Variants in SLC39A8 observed in about 807,000 individuals in gnomAD.
SLC39A8 encodes solute carrier family 39 member 8.
SLC39A8 carries 15 observed loss-of-function variants against 40.4 expected under a neutral mutation model. The ratio of observed to expected loss-of-function variants is 0.37; its 90% CI spans 0.25 to 0.57. The LOEUF (loss-of-function observed/expected upper bound fraction) is 0.57, where lower values mean the gene tolerates loss of function less well. Ranked by LOEUF, SLC39A8 falls within the 20% of genes least tolerant of loss-of-function variation. The pLI is 0.75. For missense variants in SLC39A8, 472 were observed against 558.8 expected (o/e 0.84, Z 1.57); for synonymous variants, 223 against 221.6 (o/e 1.01, Z -0.06).
chr4:102,305,010 C>T lies in SLC39A8; in HGVS notation c.654G>A (p.Met218Ile), dbSNP rs1180248176. The part of the protein sequence containing the change: ...LLFFFERMLK[M>I]LLKTYGQNGH... ...TTACCTGACCATATGTCTTTAATAA[C>T]ATCTTTAGCATTCTTTCAAAAAAGA... The change falls in exon 5 of 9, where the codon ATG becomes ATA. Residue 218 changes from methionine to isoleucine, a missense_variant. By Grantham distance (10) the Met-to-Ile change is conservative. Coordinates refer to ENST00000356736, the MANE Select transcript of SLC39A8 (RefSeq NM_001135146.2). 1.2e-6 allele frequency: 2 copies of T among 1,605,276 alleles called. No individual in the cohort carries two copies. The highest frequency in any genetic ancestry group is 1.1e-5 in the South Asian group (1 of 90,450).
chr4:102,318,037 A>G (rs1040362775), intron 2 of SLC39A8, among the ~76,000 whole-genome samples: 1 of 152,166 alleles, frequency 6.6e-6, no homozygotes, highest in African/African-American at 2.4e-5. Context: ...TAACATGAAC[A>G]TGTATACTGG....
intron 11 of SLC39A8, among the ~76,000 whole-genome samples, chr4:102,256,179 T>G (rs1234131094): frequency 6.6e-6 from 1 of 152,196 alleles, no homozygotes; most frequent in Non-Finnish European, 1.5e-5. Context: ...CATTGTCTAT[T>G]TATAAGCATT....
intron 3 of SLC39A8, 90 bp downstream of exon 3, chr4:102,315,578 G>T: frequency 1.8e-6 from 2 of 1,120,874 alleles, no homozygotes; most frequent in South Asian, 2.1e-5. Context: ...TTAATTAAAA[G>T]CAATAAAGCA....
chr4:102,268,847 A>C (rs761480252), intron 6 of SLC39A8, among the ~76,000 whole-genome samples: 1 of 152,384 alleles, frequency 6.6e-6, no homozygotes, highest in East Asian at 1.9e-4. Context: ...AGATTTCCAG[A>C]AAATTTACAA....
Position 102,344,425 on chromosome 4 carries a change from C to T in SLC39A8, c.219+19G>A, listed in dbSNP as rs1278777307. ...GGACACCCACAGTACGGAGGGCTGCCCGGACCTGGCGGCCTTACCTGGTTG... is the reference window on the plus strand; with the variant it reads ...GGACACCCACAGTACGGAGGGCTGCTCGGACCTGGCGGCCTTACCTGGTTG... On this transcript the variant is annotated intron_variant, in intron 2 of 8. Coordinates refer to ENST00000356736, the MANE Select transcript of SLC39A8 (RefSeq NM_001135146.2). 1.3e-6 allele frequency: 2 copies of T among 1,502,004 alleles called. 1 individual carries two copies. The highest frequency in any genetic ancestry group is 2.6e-5 in the South Asian group (2 of 77,156). 93.0% of individuals were successfully genotyped at this position (1,502,004 alleles called of 1,614,324 possible).
At chr4:102,322,974 G>A (rs182926067) in intron 2 of SLC39A8, among the ~76,000 whole-genome samples, 1 of 152,238 alleles carries the variant, frequency 6.6e-6, no homozygotes, top group East Asian at 1.9e-4. Flanking sequence ...TCTACCCTGC[G>A]CTGCCCTGCC....
exon 12 of SLC39A8, chr4:102,252,227 A>T (rs1261164997): frequency 6.6e-6 from 1 of 152,346 alleles, no homozygotes; most frequent in Non-Finnish European, 1.5e-5. Context: ...GGATGAAAGA[A>T]TTTACAGACA....
At chr4:102,292,666 A>G (rs139861278) in intron 6 of SLC39A8, among the ~76,000 whole-genome samples, 6 of 152,164 alleles carry the variant, frequency 3.9e-5, no homozygotes, top group African/African-American at 1.4e-4. Context: ...GTTGCTCAAT[A>G]TTCCGTCATT....
intron 4 of SLC39A8, among the ~76,000 whole-genome samples, chr4:102,306,702 T>C (rs767268116): frequency 2.0e-5 from 3 of 152,018 alleles, no homozygotes; most frequent in Non-Finnish European, 4.4e-5. Flanking sequence ...AGTTCCCCTT[T>C]GTGGATCCCT....
intron 2 of SLC39A8, among the ~76,000 whole-genome samples, chr4:102,317,496 T>G (rs887101836): frequency 6.6e-6 from 1 of 152,132 alleles, no homozygotes; most frequent in Non-Finnish European, 1.5e-5. Context: ...CTCAGAATGA[T>G]GTATAATAAA....
chr4:102,269,678 T>C (rs1732257309), intron 6 of SLC39A8: 1 of 152,200 alleles, frequency 6.6e-6, no homozygotes, highest in African/African-American at 2.4e-5. Context: ...ATGGGCATTT[T>C]TGGCAACAGT....
exon 12 of SLC39A8, chr4:102,253,188 A>C: frequency 2.6e-6 from 1 of 391,892 alleles, no homozygotes; most frequent in Non-Finnish European, 4.5e-6. Flanking sequence ...GGCGGGGAAC[A>C]CAATTAGAAA....
At chr4:102,273,097 T>C (rs1486958652) in intron 6 of SLC39A8, among the ~76,000 whole-genome samples, 1 of 152,056 alleles carries the variant, frequency 6.6e-6, no homozygotes, top group Non-Finnish European at 1.5e-5. Context: ...CAAGACAGAA[T>C]CATTCACTCC....
chr4:102,328,719 A>G (rs1389270122), intron 2 of SLC39A8, among the ~76,000 whole-genome samples: 2 of 152,176 alleles, frequency 1.3e-5, no homozygotes, highest in African/African-American at 2.4e-5. Context: ...TGCAGAGTCC[A>G]TATTAAGGCA....
intron 8 of SLC39A8, 40 bp from the exon 9 acceptor site, chr4:102,263,233 T>A: frequency 6.3e-7 from 1 of 1,575,134 alleles, no homozygotes; most frequent in Non-Finnish European, 8.7e-7. Flanking sequence ...GTTGCCATCT[T>A]GTGGCAAACC....
intron 11 of SLC39A8, among the ~76,000 whole-genome samples, chr4:102,256,318 C>T (rs1422207111): frequency 6.6e-6 from 1 of 152,206 alleles, no homozygotes; most frequent in Non-Finnish European, 1.5e-5. Flanking sequence ...GATACATCTA[C>T]ACGAGAAGGA....
chr4:102,281,045 T>C (rs890841035), intron 6 of SLC39A8, among the ~76,000 whole-genome samples: 21 of 152,176 alleles, frequency 1.4e-4, no homozygotes, highest in Admixed American at 9.2e-4. Context: ...TTTATACCAC[T>C]CTAAAAGGCT....
At chr4:102,281,920 G>A (rs1732897890) in intron 6 of SLC39A8, among the ~76,000 whole-genome samples, 1 of 152,214 alleles carries the variant, frequency 6.6e-6, no homozygotes, top group South Asian at 2.1e-4. Flanking sequence ...GCACAGAGCA[G>A]TAGTGATAAT....
At chr4:102,267,371 T>A in intron 8 of SLC39A8, 119 bp downstream of exon 8, 1 of 842,932 alleles carries the variant, frequency 1.2e-6, no homozygotes, top group South Asian at 2.1e-5. Flanking sequence ...TGTTCTGAAT[T>A]ACAACAGAAA....
Sources: gnomAD v4.1 joint callset for allele counts (sites outside exome capture counted in the v4.1 genomes callset) on GRCh38, gnomAD v4.1.1 for gene constraint, MANE v1.5 for transcripts, NCBI Gene and HGNC (gene_info 2026-07-23, HGNC 2026-07-21) for gene names.